Variants in HYCC1 observed in about 807,000 individuals in gnomAD.
HYCC1 encodes hyccin PI4KA lipid kinase complex subunit 1.
chr7:22,987,674 G>C, the HYCC1 span, among the ~76,000 whole-genome samples: 1 of 152,174 alleles, frequency 6.6e-6, no homozygotes, highest in Middle Eastern at 3.2e-3. Flanking sequence ...GAGGTTAGGA[G>C]TTCAGACTGA....
chr7:22,920,245 G>A, the HYCC1 span, among the ~76,000 whole-genome samples: 16 of 152,194 alleles, frequency 1.1e-4, no homozygotes, highest in Middle Eastern at 3.4e-3. Context: ...TACTTGAGAG[G>A]CTGAGGTGGA....
At chr7:22,955,513 T>A in the HYCC1 span, among the ~76,000 whole-genome samples, 1 of 151,702 alleles carries the variant, frequency 6.6e-6, no homozygotes, top group Admixed American at 6.6e-5. Flanking sequence ...CACTCATTAT[T>A]TGGAACTATA....
the HYCC1 span, among the ~76,000 whole-genome samples, chr7:22,965,250 C>CA: frequency 7.9e-5 from 12 of 151,462 alleles, no homozygotes; most frequent in Non-Finnish European, 1.3e-4. Context: ...CTGCAGGATC[C>CA]AAAAAAATTC....
At chr7:22,957,028 A>G in the HYCC1 span, among the ~76,000 whole-genome samples, 1 of 151,972 alleles carries the variant, frequency 6.6e-6, no homozygotes, top group Non-Finnish European at 1.5e-5. Flanking sequence ...AGAATCCTAA[A>G]ATACATTCTA....
the HYCC1 span, among the ~76,000 whole-genome samples, chr7:22,990,332 A>C: frequency 1.5e-4 from 23 of 152,022 alleles, no homozygotes; most frequent in African/African-American, 5.6e-4. Context: ...CTGTTGGGCA[A>C]TCTCTCTCAA....
chr7:22,986,706 T>C, the HYCC1 span, among the ~76,000 whole-genome samples: 31 of 152,082 alleles, frequency 2.0e-4, no homozygotes, highest in East Asian at 5.2e-3. Context: ...ATTAGCCAGG[T>C]GTGTGGTGCC....
At chr7:22,971,813 T>C in the HYCC1 span, among the ~76,000 whole-genome samples, 2 of 152,152 alleles carry the variant, frequency 1.3e-5, no homozygotes. Flanking sequence ...GTCCTGCTTG[T>C]TCTGCTCTTT....
At chr7:22,970,111 C>T in the HYCC1 span, among the ~76,000 whole-genome samples, 1 of 143,430 alleles carries the variant, frequency 7.0e-6, no homozygotes, top group Non-Finnish European at 1.6e-5. Flanking sequence ...AATACCAACA[C>T]ACATGAAAGA....
chr7:23,002,186 T>A, the HYCC1 span, among the ~76,000 whole-genome samples: 9 of 129,902 alleles, frequency 6.9e-5, no homozygotes, highest in East Asian at 1.5e-3. Context: ...ACATATAGTT[T>A]GCGGCTACAG....
the HYCC1 span, among the ~76,000 whole-genome samples, chr7:22,913,022 G>T: frequency 2.8e-3 from 422 of 152,178 alleles, 2 homozygotes; most frequent in South Asian, 5.8e-3. Context: ...TACTTGGGAA[G>T]CTGAGGCAGG....
the HYCC1 span, among the ~76,000 whole-genome samples, chr7:23,004,173 C>T: frequency 6.6e-6 from 1 of 152,136 alleles, no homozygotes. Context: ...GAATGTGAGG[C>T]TAAAATTAGC....
At chr7:22,978,406 T>C in the HYCC1 span, 3 of 1,613,896 alleles carry the variant, frequency 1.9e-6, no homozygotes, top group South Asian at 1.1e-5. Context: ...TCCTCTCCAC[T>C]GCGATAGAAT....
chr7:22,960,198 A>G, the HYCC1 span: 1 of 1,525,944 alleles, frequency 6.6e-7, no homozygotes, highest in East Asian at 2.3e-5. Context: ...CCATAAGTAC[A>G]GTGAAAAATG....
the HYCC1 span, among the ~76,000 whole-genome samples, chr7:22,928,267 AACTGGC>A: frequency 6.6e-6 from 1 of 152,230 alleles, no homozygotes; most frequent in Non-Finnish European, 1.5e-5. Flanking sequence ...TTCCTTTGAA[AACTGGC>A]ACAAGACAGG....
chr7:22,974,652 T>C, the HYCC1 span, among the ~76,000 whole-genome samples: 1 of 152,216 alleles, frequency 6.6e-6, no homozygotes, highest in Non-Finnish European at 1.5e-5. Context: ...CTATTCAGTA[T>C]CAAGTTCTGA....
the HYCC1 span, among the ~76,000 whole-genome samples, chr7:23,006,850 G>A: frequency 9.2e-5 from 14 of 152,266 alleles, no homozygotes; most frequent in East Asian, 2.7e-3. Context: ...AAGCTACCCT[G>A]ATGCAAGGCT....
the HYCC1 span, chr7:22,947,164 T>A: frequency 6.5e-7 from 1 of 1,550,320 alleles, no homozygotes. Context: ...TTCCCGGTTC[T>A]CTCTCCGGCC....
the HYCC1 span, among the ~76,000 whole-genome samples, chr7:23,000,998 T>C: frequency 1.3e-5 from 2 of 152,080 alleles, no homozygotes; most frequent in South Asian, 2.1e-4. Context: ...AAGAAAAGCA[T>C]TTGGAATGAA....
chr7:22,961,046 C>T, the HYCC1 span, among the ~76,000 whole-genome samples: 3 of 152,168 alleles, frequency 2.0e-5, no homozygotes, highest in African/African-American at 7.2e-5. Context: ...AGCTAAACTC[C>T]GTCTCAAAGA....
Sources: allele counts gnomAD v4.1 joint callset (sites outside exome capture counted in the v4.1 genomes callset), GRCh38; gene constraint gnomAD v4.1.1; transcripts MANE v1.5; gene names NCBI Gene and HGNC (gene_info 2026-07-23, HGNC 2026-07-21).